The following CDK12 variants were observed in gnomAD, a reference collection of about 807,000 sequenced individuals.
The protein encoded by CDK12 is cyclin dependent kinase 12, also known as cyclin-dependent kinase 12.
A neutral mutation model predicts 133.8 loss-of-function variants in CDK12; 17 were observed. That is an observed-to-expected ratio of 0.13 (90% CI 0.09 to 0.19). The LOEUF is 0.19. Ranked by LOEUF, CDK12 falls within the 10% of genes least tolerant of loss-of-function variation. CDK12 has a pLI of 1.00. For synonymous variants in CDK12, 694 were observed against 683.6 expected, an observed-to-expected ratio of 1.02 and a Z score of -0.24; for missense variants, 1,508 against 1,818.7, an observed-to-expected ratio of 0.83 and a Z score of 3.11.
rs1567736163 is a variant in CDK12, at chr17:39,498,879, C to CTT, written c.2420-2369_2420-2368dup. Among the ~76,000 whole-genome samples the CTT allele has an allele frequency of 1.8e-4, 6 of 33,268 alleles. 2 individuals carry two copies. The East Asian group carries it at 2.3e-3, about 13-fold the overall frequency. 21.8% of individuals were successfully genotyped at this position (33,268 alleles called of 152,430 possible). A position where few individuals can be genotyped will look rare whatever the true frequency, so the allele number is the denominator to read the frequency against. ...TTTTTAATACTATGATTTTCTCTTT[C>CTT]TTTCTTTCTTTCTTTCTTTCTTTCT... On this transcript the variant is annotated intron_variant, in intron 5 of 13. Transcript: ENST00000447079.
intron 1 of CDK12, among the ~76,000 whole-genome samples, chr17:39,467,324 T>C (rs1355841156): frequency 6.6e-6 from 1 of 152,138 alleles, no homozygotes; most frequent in Non-Finnish European, 1.5e-5. Flanking sequence ...AGAAATGCAG[T>C]GTCTTTGCAT....
intron 11 of CDK12, among the ~76,000 whole-genome samples, chr17:39,520,396 A>G (rs2054089056): frequency 6.6e-6 from 1 of 151,468 alleles, no homozygotes; most frequent in South Asian, 2.1e-4. Context: ...GGGTTGGTTT[A>G]TTTATTTATT....
At chr17:39,506,744 CTTGAA>C (rs1203787463) in intron 6 of CDK12, among the ~76,000 whole-genome samples, 1 of 152,066 alleles carries the variant, frequency 6.6e-6, no homozygotes, top group Non-Finnish European at 1.5e-5. Context: ...GCACTGTGTA[CTTGAA>C]GTTCTTCTCA....
intron 11 of CDK12, 118 bp downstream of exon 11, chr17:39,520,205 A>G: frequency 9.5e-7 from 1 of 1,056,350 alleles, no homozygotes. Context: ...GTCTTTGAGT[A>G]TTATGGTTGA....
rs563325093 is a variant in CDK12, at chr17:39,470,938, A to G, written c.1106A>G (p.His369Arg). ...SPAYSRHSSS[H>R]SKKKRSSSRS... Reference sequence around the variant, plus strand: ...GCATATTCAAGACATTCATCTTCTCATAGTAAAAAGAAGAGATCCAGTTCA... The same window carrying G: ...GCATATTCAAGACATTCATCTTCTCGTAGTAAAAAGAAGAGATCCAGTTCA... The change falls in exon 2 of 14, where the codon CAT (histidine) becomes CGT (arginine). Residue 369 changes from histidine to arginine, a missense_variant. Coordinates refer to ENST00000447079, the MANE Select transcript of CDK12 (RefSeq NM_016507.4). 11 of 1,613,154 alleles carry G rather than the reference A, an allele frequency of 6.8e-6. No individual in the cohort carries two copies. In the South Asian group the frequency reaches 7.7e-5, roughly 11 times the overall value.
chr17:39,551,407 G>A (rs2063710778), intron 2 of CDK12, among the ~76,000 whole-genome samples: 1 of 151,908 alleles, frequency 6.6e-6, no homozygotes. Context: ...TGTCTTATAA[G>A]ATCTACAGGG....
At chr17:39,513,613 C>T (rs1327078505) in intron 8 of CDK12, among the ~76,000 whole-genome samples, 2 of 152,180 alleles carry the variant, frequency 1.3e-5, no homozygotes, top group Non-Finnish European at 1.5e-5. Context: ...CAGCCTGCCA[C>T]CTCAGAGCAG....
rs1410034011 is a variant in CDK12 at position 39,461,908 on chromosome 17, G to A, written c.-164G>A. On this transcript the variant is annotated 5_prime_UTR_variant, in exon 1 of 14. Transcript: ENST00000447079. ...CCCCCACCTCATGTAGAAGGGTGCT[G>A]AGGCGTCGGGAGGGAGGAGGAGCCT... 1 of 618,284 alleles carries A rather than the reference G, an allele frequency of 1.6e-6. No individual in the cohort carries two copies. The highest frequency in any genetic ancestry group is 2.9e-6 in the Non-Finnish European group (1 of 345,906). 38.3% of individuals were successfully genotyped at this position (618,284 alleles called of 1,614,324 possible).
At chr17:39,522,527 C>T (rs2054243604) in intron 11 of CDK12, among the ~76,000 whole-genome samples, 1 of 151,878 alleles carries the variant, frequency 6.6e-6, no homozygotes, top group Non-Finnish European at 1.5e-5. Flanking sequence ...CTCCACCTCC[C>T]GGCTTCAAGC....
chr17:39,490,522 T>G, intron 2 of CDK12, 35 bp from the exon 3 acceptor site: 1 of 1,472,370 alleles, frequency 6.8e-7, no homozygotes, highest in Non-Finnish European at 9.2e-7. Flanking sequence ...TATCTTTAAT[T>G]GTAATTTTGT....
In CDK12 at chr17:39,462,861, A is replaced by G; in HGVS notation, c.790A>G (p.Lys264Glu). The G allele has an allele frequency of 1.2e-6, 2 of 1,614,130 alleles. No individual in the cohort carries two copies. Among genetic ancestry groups the G allele is most frequent in the Non-Finnish European group, 1.7e-6 (2 of 1,180,012 alleles). Residue 264 changes from lysine to glutamate, a missense_variant, in exon 1 of 14, where the codon AAA becomes GAA. Transcript: ENST00000447079. ...HTSSNYDSYK[K>E]SPGSTSRRQS... The stretch of plus-strand genomic sequence containing the variant: ...CTCGAGCAATTATGACTCCTACAAG[A>G]AAAGTCCTGGAAGTACCTCGAGAAG...
At chr17:39,485,732 A>G (rs1216774754) in intron 2 of CDK12, among the ~76,000 whole-genome samples, 2 of 151,410 alleles carry the variant, frequency 1.3e-5, no homozygotes, top group Non-Finnish European at 2.9e-5. Context: ...AAAAAAAAAA[A>G]AAGCAGCTGT....
In CDK12 at chr17:39,532,378, G is replaced by C. The variant is rs1397203147; in HGVS notation, c.*1062G>C. The C allele has an allele frequency of 2.1e-5, 5 of 232,992 alleles. No homozygotes were observed. The highest frequency in any genetic ancestry group is 1.1e-4 in the African/African-American group (5 of 45,260). 14.4% of individuals were successfully genotyped at this position (232,992 alleles called of 1,614,324 possible). On this transcript the variant is annotated 3_prime_UTR_variant, in exon 14 of 14. Transcript: ENST00000447079. ...TGTGGACAGCTTGGACATTGCTGCT[G>C]AGCTGTGGTTAGAGATGATGCCTCC...
chr17:39,462,855 T>C lies in CDK12; in HGVS notation c.784T>C (p.Tyr262His), dbSNP rs1027735766. The C allele has an allele frequency of 4.3e-6, 7 of 1,613,984 alleles. No homozygotes were observed. The highest frequency in any genetic ancestry group is 4.0e-5 in the African/African-American group (3 of 74,902). Residue 262 changes from tyrosine to histidine, a missense_variant, in exon 1 of 14, where the codon TAC (tyrosine) becomes CAC (histidine). Physicochemically the swap from Tyr to His is moderately conservative, Grantham distance 83. Coordinates refer to ENST00000447079, the MANE Select transcript of CDK12 (RefSeq NM_016507.4). ...TCATACCTCGAGCAATTATGACTCC[T>C]ACAAGAAAAGTCCTGGAAGTACCTC... ...RSHTSSNYDS[Y>H]KKSPGSTSRR...
Position 39,461,970 on chromosome 17 carries a change from G to A in CDK12, c.-102G>A. Reference sequence around the variant, plus strand: ...CCTGCCCTCCCCACCCCCTTCCCGGGGCGCTTTGGTGGGCGTGGAGTTGGG... The same window carrying A: ...CCTGCCCTCCCCACCCCCTTCCCGGAGCGCTTTGGTGGGCGTGGAGTTGGG... On this transcript the variant is annotated 5_prime_UTR_variant, in exon 1 of 14. Coordinates refer to ENST00000447079, the MANE Select transcript of CDK12 (RefSeq NM_016507.4). The A allele has an allele frequency of 1.1e-6, 1 of 919,862 alleles. No individual in the cohort carries two copies. The highest frequency in any genetic ancestry group is 1.7e-5 in the South Asian group (1 of 58,362). 57.0% of individuals were successfully genotyped at this position (919,862 alleles called of 1,614,324 possible). A position where few individuals can be genotyped will look rare whatever the true frequency, so the allele number is the denominator to read the frequency against.
At position 39,554,480 on chromosome 17, in the gene CDK12, C is replaced by T. The variant is rs899138486; in HGVS notation, n.357-1806C>T. ...TCTGATAGAGGGGATAATAGGGTAACGGGGTTTGAGGTCACACCAGGAGAA... is the reference window on the plus strand; with the variant it reads ...TCTGATAGAGGGGATAATAGGGTAATGGGGTTTGAGGTCACACCAGGAGAA... On this transcript the variant is annotated intron_variant and non_coding_transcript_variant, in intron 2 of 3. Coordinates refer to the CDK12 transcript ENST00000558240. Among the ~76,000 whole-genome samples the T allele has an allele frequency of 5.3e-5, 8 of 152,024 alleles. No homozygotes were observed. The South Asian group carries it at 6.2e-4, about 12-fold the overall frequency.
chr17:39,482,114 A>G (rs1042805877), intron 2 of CDK12, among the ~76,000 whole-genome samples: 2 of 147,536 alleles, frequency 1.4e-5, no homozygotes, highest in East Asian at 2.0e-4. Context: ...CCTGGGTTCA[A>G]CCAATTCTCC....
intron 1 of CDK12, among the ~76,000 whole-genome samples, chr17:39,539,659 G>C (rs1444560859): frequency 1.3e-5 from 2 of 152,200 alleles, no homozygotes; most frequent in Non-Finnish European, 1.5e-5. Flanking sequence ...AGAGAGGTCA[G>C]TCTTACAGCT....
intron 11 of CDK12, among the ~76,000 whole-genome samples, chr17:39,521,510 G>T (rs913794428): frequency 6.6e-6 from 1 of 152,016 alleles, no homozygotes; most frequent in Non-Finnish European, 1.5e-5. Flanking sequence ...TGATCCGCCC[G>T]CCTTGGCCTC....
Sources: gnomAD v4.1 joint callset for allele counts (sites outside exome capture counted in the v4.1 genomes callset) on GRCh38, gnomAD v4.1.1 for gene constraint, MANE v1.5 for transcripts, NCBI Gene and HGNC (gene_info 2026-07-23, HGNC 2026-07-21) for gene names.